Variants in PDE1C observed in about 807,000 individuals in gnomAD.
The protein encoded by PDE1C is dual specificity calcium/calmodulin-dependent 3',5'-cyclic nucleotide phosphodiesterase 1C.
In PDE1C, 62 loss-of-function variants were observed where a neutral mutation model predicts 93.1. That is an observed-to-expected ratio of 0.67 (90% confidence interval 0.54 to 0.82). The LOEUF (loss-of-function observed/expected upper bound fraction) is 0.82. PDE1C is among the 40% of genes least tolerant of loss of function. The probability of loss-of-function intolerance (pLI) is 0.00; values close to 1 mark genes in which losing one functional copy is unlikely to be tolerated. For missense variants in PDE1C, 742 were observed against 884.6 expected (o/e 0.84, Z 2.04); for synonymous variants, 325 against 310.1 (o/e 1.05, Z -0.50).
chr7:31,730,431 C>A, the PDE1C span, among the ~76,000 whole-genome samples: 2 of 152,172 alleles, frequency 1.3e-5, no homozygotes, highest in South Asian at 2.1e-4. Context: ...TCCCAGCCAC[C>A]CTTCCACTAC....
chr7:31,708,713 T>G, the PDE1C span, among the ~76,000 whole-genome samples: 3 of 152,240 alleles, frequency 2.0e-5, no homozygotes, highest in Middle Eastern at 3.2e-3. Flanking sequence ...ATTAGAATCA[T>G]GGCAGCATCA....
chr7:32,200,945 A>T (rs1804965070), intron 2 of PDE1C, among the ~76,000 whole-genome samples: 1 of 152,222 alleles, frequency 6.6e-6, no homozygotes, highest in South Asian at 2.1e-4. Context: ...GAAGTTTCAG[A>T]TCCAACTTCT....
chr7:32,169,957 C>T lies in PDE1C; in HGVS notation c.137-1G>A. 1.2e-6 allele frequency: 2 copies of T among 1,610,764 alleles called. No individual in the cohort carries two copies. Among genetic ancestry groups the T allele is most frequent in the Non-Finnish European group, 1.7e-6 (2 of 1,178,612 alleles). Reference sequence around the variant, plus strand: ...CACAGACAGTTCTGTGACTTAGACCCTGAGGCATGGGGAAAAGAGAGATGC... The same window carrying T: ...CACAGACAGTTCTGTGACTTAGACCTTGAGGCATGGGGAAAAGAGAGATGC... On this transcript the variant is annotated splice_acceptor_variant, in intron 2 of 18. Transcript: ENST00000396193. LOFTEE classifies it high-confidence loss of function.
At chr7:32,020,506 A>G (rs966339582) in intron 2 of PDE1C, among the ~76,000 whole-genome samples, 26 of 152,158 alleles carry the variant, frequency 1.7e-4, no homozygotes, top group African/African-American at 1.2e-4. Context: ...CCAAAGTTTC[A>G]TAATGTTCTT....
At chr7:32,389,043 A>G (rs1784695999) in intron 1 of PDE1C, among the ~76,000 whole-genome samples, 1 of 152,194 alleles carries the variant, frequency 6.6e-6, no homozygotes, top group South Asian at 2.1e-4. Flanking sequence ...GTCAAATTAT[A>G]TTGAGTTGAT....
At chr7:32,140,801 G>A (rs991819081) in intron 3 of PDE1C, among the ~76,000 whole-genome samples, 2 of 152,242 alleles carry the variant, frequency 1.3e-5, no homozygotes, top group Non-Finnish European at 2.9e-5. Flanking sequence ...CCACTCGAGA[G>A]TGAGGATGTG....
the PDE1C span, among the ~76,000 whole-genome samples, chr7:31,663,605 A>G: frequency 6.6e-6 from 1 of 152,126 alleles, no homozygotes; most frequent in South Asian, 2.1e-4. Context: ...ACCTGCTATT[A>G]TTTACTTTTC....
At chr7:32,097,163 G>A (rs904966573) in intron 3 of PDE1C, among the ~76,000 whole-genome samples, 1 of 152,176 alleles carries the variant, frequency 6.6e-6, no homozygotes, top group African/African-American at 2.4e-5. Context: ...CTACCTGCAT[G>A]AGGGAGGGCA....
At chr7:32,418,921 A>G (rs1203930548) in intron 1 of PDE1C, among the ~76,000 whole-genome samples, 1 of 152,218 alleles carries the variant, frequency 6.6e-6, no homozygotes, top group Non-Finnish European at 1.5e-5. Context: ...CAAGAAGAAT[A>G]AATGAATCTG....
intron 4 of PDE1C, 97 bp from the exon 5 acceptor site, chr7:31,878,133 C>A (rs1342604042): frequency 3.8e-6 from 3 of 782,894 alleles, no homozygotes; most frequent in East Asian, 5.4e-5. Flanking sequence ...AATAAGAAGT[C>A]AAGTGGGGTG....
chr7:32,012,254 T>C (rs1787238351), intron 2 of PDE1C, among the ~76,000 whole-genome samples: 1 of 151,652 alleles, frequency 6.6e-6, no homozygotes, highest in African/African-American at 2.4e-5. Flanking sequence ...TTTACAATCA[T>C]GGCAGAAGGT....
At chr7:32,124,599 A>G (rs182069119) in intron 3 of PDE1C, among the ~76,000 whole-genome samples, 3 of 152,264 alleles carry the variant, frequency 2.0e-5, no homozygotes, top group African/African-American at 7.2e-5. Flanking sequence ...ACAAGCAATG[A>G]GGAAAGGATC....
intron 17 of PDE1C, 42 bp downstream of exon 17, chr7:31,775,622 G>T (rs754142749): frequency 2.0e-6 from 3 of 1,534,010 alleles, no homozygotes; most frequent in South Asian, 2.2e-5. Context: ...CCTTTCCATT[G>T]TCTGTGGTCA....
chr7:31,631,314 T>C, the PDE1C span, among the ~76,000 whole-genome samples: 3 of 152,312 alleles, frequency 2.0e-5, no homozygotes, highest in African/African-American at 7.2e-5. Flanking sequence ...ACACAAATCA[T>C]AATTTTTGAT....
At position 32,297,988 on chromosome 7, in the gene PDE1C, TCTCTCTCTCC is replaced by T. The variant is rs1562660056; in HGVS notation, c.85+653_85+662del. On this transcript the variant is annotated intron_variant, in intron 1 of 18. Coordinates refer to the PDE1C transcript ENST00000396193. ...CTCTCTCTCTCTCTCTCTCTCTCTC[TCTCTCTCTCC>T]TCTCTCTCTCTCTCTCTCCCTCTCT... Among the ~76,000 whole-genome samples, 230 of 43,316 alleles carry T rather than the reference TCTCTCTCTCC, an allele frequency of 5.3e-3. 10 individuals carry two copies. Among genetic ancestry groups the T allele is most frequent in the African/African-American group, 0.014 (198 of 14,366 alleles). 28.4% of individuals were successfully genotyped at this position (43,316 alleles called of 152,430 possible).
chr7:31,630,245 A>C, the PDE1C span, among the ~76,000 whole-genome samples: 2 of 1,158 alleles, frequency 1.7e-3, no homozygotes, highest in African/African-American at 2.2e-3. Flanking sequence ...TCTACTTGGC[A>C]AAAAAAAAAA....
the PDE1C span, among the ~76,000 whole-genome samples, chr7:31,622,358 T>A: frequency 6.6e-6 from 1 of 152,044 alleles, no homozygotes; most frequent in African/African-American, 2.4e-5. Flanking sequence ...TAGTTGGAAG[T>A]AAAGCTCTCC....
chr7:32,221,956 A>G (rs1224066275), intron 1 of PDE1C, among the ~76,000 whole-genome samples: 3 of 152,176 alleles, frequency 2.0e-5, no homozygotes, highest in African/African-American at 7.2e-5. Flanking sequence ...ATGTATCAGG[A>G]GATGCTCAGA....
chr7:32,177,624 C>T (rs1803101411), intron 2 of PDE1C, among the ~76,000 whole-genome samples: 2 of 152,150 alleles, frequency 1.3e-5, no homozygotes, highest in African/African-American at 4.8e-5. Flanking sequence ...AGACCACTGA[C>T]ATTATCCAAC....
Sources: allele counts gnomAD v4.1 joint callset (sites outside exome capture counted in the v4.1 genomes callset), GRCh38; gene constraint gnomAD v4.1.1; transcripts MANE v1.5; gene names NCBI Gene and HGNC (gene_info 2026-07-23, HGNC 2026-07-21).